ADK: variants seen among roughly 807,000 people sequenced by gnomAD.
The protein encoded by ADK is N6,N6-dimethyladenosine kinase.
A neutral mutation model predicts 44.7 loss-of-function variants in ADK; 24 were observed. That is an observed-to-expected ratio of 0.54 (90% confidence interval 0.39 to 0.76). The LOEUF (loss-of-function observed/expected upper bound fraction) is 0.76. Ranked by LOEUF, ADK falls within the 30% of genes least tolerant of loss-of-function variation. The pLI, the probability that ADK is intolerant of heterozygous loss-of-function variation, is 0.00. For synonymous variants in ADK, 128 were observed against 142.6 expected, an observed-to-expected ratio of 0.90 and a Z score of 0.73; for missense variants, 321 against 425.1, an observed-to-expected ratio of 0.76 and a Z score of 2.15.
intron 4 of ADK, among the ~76,000 whole-genome samples, chr10:74,317,253 T>C (rs1156736115): frequency 6.6e-6 from 1 of 152,222 alleles, no homozygotes; most frequent in East Asian, 1.9e-4. Flanking sequence ...AACTTCTTCC[T>C]AATGAAAGTG....
chr10:74,632,255 A>G (rs2134065086), intron 9 of ADK, among the ~76,000 whole-genome samples: 1 of 152,294 alleles, frequency 6.6e-6, no homozygotes, highest in East Asian at 1.9e-4. Flanking sequence ...AATGTTTTCA[A>G]GGTTCATCCA....
At chr10:74,371,920 C>G in intron 4 of ADK, 1 of 1,435,080 alleles carries the variant, frequency 7.0e-7, no homozygotes, top group South Asian at 1.1e-5. Flanking sequence ...GACCCCAGGG[C>G]TGACCACCAG....
At chr10:74,155,808 A>C (rs139300940) in intron 1 of ADK, among the ~76,000 whole-genome samples, 91 of 152,306 alleles carry the variant, frequency 6.0e-4, no homozygotes, top group African/African-American at 2.0e-3. Flanking sequence ...GCTGGATTAC[A>C]GGGGTGAGCC....
intron 6 of ADK, among the ~76,000 whole-genome samples, chr10:74,414,833 CTG>C (rs1327173170): frequency 2.0e-5 from 3 of 151,976 alleles, no homozygotes; most frequent in Non-Finnish European, 4.4e-5. Flanking sequence ...TTGAGTAACA[CTG>C]TGATTTTTAT....
intron 3 of ADK, among the ~76,000 whole-genome samples, chr10:74,292,094 TC>T (rs1847463744): frequency 6.6e-6 from 1 of 152,182 alleles, no homozygotes; most frequent in East Asian, 1.9e-4. Flanking sequence ...TTAACATCTC[TC>T]TCCCTCTCTA....
chr10:74,604,888 G>A (rs1852264070), intron 9 of ADK, among the ~76,000 whole-genome samples: 1 of 152,110 alleles, frequency 6.6e-6, no homozygotes, highest in South Asian at 2.1e-4. Flanking sequence ...GCATGGAATG[G>A]TTTTCCATTT....
intron 10 of ADK, among the ~76,000 whole-genome samples, chr10:74,695,341 T>C (rs1276171797): frequency 6.6e-6 from 1 of 152,190 alleles, no homozygotes; most frequent in Non-Finnish European, 1.5e-5. Context: ...AGCATATCTC[T>C]CCATTTAGGT....
chr10:74,501,716 C>T (rs923853027), intron 6 of ADK, among the ~76,000 whole-genome samples: 2 of 152,032 alleles, frequency 1.3e-5, no homozygotes, highest in Non-Finnish European at 2.9e-5. Context: ...TGTGAGTGAA[C>T]CTCAATATCA....
intron 9 of ADK, among the ~76,000 whole-genome samples, chr10:74,604,804 G>C (rs1343750337): frequency 6.6e-6 from 1 of 152,142 alleles, no homozygotes; most frequent in Non-Finnish European, 1.5e-5. Context: ...ATGGTAGCTT[G>C]ATGGGGAAAG....
At chr10:74,278,703 C>T (rs1036069089) in intron 3 of ADK, among the ~76,000 whole-genome samples, 4 of 151,668 alleles carry the variant, frequency 2.6e-5, no homozygotes, top group Admixed American at 2.6e-4. Context: ...GATATATTGC[C>T]CAGGCAGAAG....
At chr10:74,395,313 T>G (rs973196067) in intron 5 of ADK, among the ~76,000 whole-genome samples, 2 of 152,098 alleles carry the variant, frequency 1.3e-5, no homozygotes, top group African/African-American at 4.8e-5. Flanking sequence ...ACTTTATTGC[T>G]CACTACTTGA....
intron 8 of ADK, among the ~76,000 whole-genome samples, chr10:74,599,299 A>G (rs1025182529): frequency 2.6e-5 from 4 of 152,206 alleles, no homozygotes; most frequent in African/African-American, 7.2e-5. Flanking sequence ...AACAAACAAT[A>G]TAAAAATATT....
chr10:74,648,977 C>G (rs1168284862), intron 9 of ADK, among the ~76,000 whole-genome samples: 1 of 152,042 alleles, frequency 6.6e-6, no homozygotes, highest in Admixed American at 6.6e-5. Flanking sequence ...GTCAGGAGAT[C>G]AAGACCATCC....
Position 74,609,001 on chromosome 10 carries a change from T to A in ADK, c.877+8508T>A, listed in dbSNP as rs184362194. On this transcript the variant is annotated intron_variant, in intron 9 of 10. Transcript: ENST00000539909. Reference sequence around the variant, plus strand: ...AGTGGGCTCCACCCAGTTCAAACTTTTTTTGCGAACTTTGTTTGCATCTTT... The same window carrying A: ...AGTGGGCTCCACCCAGTTCAAACTTATTTTGCGAACTTTGTTTGCATCTTT... Among the ~76,000 whole-genome samples, 29 of 152,140 alleles carry A rather than the reference T, an allele frequency of 1.9e-4. 1 individual carries two copies. The East Asian group carries it at 5.4e-3, about 28-fold the overall frequency.
chr10:74,537,848 G>GAA (rs1849506487), intron 7 of ADK, among the ~76,000 whole-genome samples: 1 of 152,072 alleles, frequency 6.6e-6, no homozygotes, highest in South Asian at 2.1e-4. Flanking sequence ...ATAACAGTTT[G>GAA]AAATGGGGCA....
intron 7 of ADK, among the ~76,000 whole-genome samples, chr10:74,582,492 A>G (rs1337023751): frequency 1.3e-5 from 2 of 152,128 alleles, no homozygotes; most frequent in Admixed American, 6.6e-5. Flanking sequence ...CTTTTTCCTA[A>G]CTTAATTTGT....
intron 10 of ADK, among the ~76,000 whole-genome samples, chr10:74,689,979 G>C (rs962613113): frequency 5.3e-5 from 8 of 152,178 alleles, no homozygotes; most frequent in African/African-American, 1.9e-4. Context: ...GTAGGTCCGT[G>C]ATGGGGCTTA....
chr10:74,653,604 G>A (rs1332785625), intron 9 of ADK, among the ~76,000 whole-genome samples: 2 of 152,168 alleles, frequency 1.3e-5, no homozygotes, highest in Non-Finnish European at 2.9e-5. Context: ...TTTTGTTGTT[G>A]TTGTTTTTAC....
At chr10:74,341,828 C>A (rs1233366694) in intron 4 of ADK, among the ~76,000 whole-genome samples, 1 of 152,066 alleles carries the variant, frequency 6.6e-6, no homozygotes, top group Admixed American at 6.6e-5. Flanking sequence ...TAATTCAAAA[C>A]CAGCATGCTC....
Sources: allele counts gnomAD v4.1 joint callset (sites outside exome capture counted in the v4.1 genomes callset), GRCh38; gene constraint gnomAD v4.1.1; transcripts MANE v1.5; gene names NCBI Gene and HGNC (gene_info 2026-07-23, HGNC 2026-07-21).